PRKD3: variants seen among roughly 807,000 people sequenced by gnomAD.
PRKD3 encodes protein kinase D3.
In PRKD3, 47 loss-of-function variants were observed where a neutral mutation model predicts 99.2. That is an observed-to-expected ratio of 0.47 (90% CI 0.38 to 0.60). PRKD3 has a LOEUF of 0.60. Ranked by LOEUF, PRKD3 falls within the 20% of genes least tolerant of loss-of-function variation. The pLI, the probability that PRKD3 is intolerant of heterozygous loss-of-function variation, is 0.00. For synonymous variants in PRKD3, 392 were observed against 355.4 expected, an observed-to-expected ratio of 1.10 and a Z score of -1.16; for missense variants, 1,019 against 1,088.4, an observed-to-expected ratio of 0.94 and a Z score of 0.90.
chr2:37,264,776 T>C (rs898628257), intron 14 of PRKD3, among the ~76,000 whole-genome samples: 20 of 152,274 alleles, frequency 1.3e-4, no homozygotes, highest in Admixed American at 1.1e-3. Flanking sequence ...GTTGTGTATA[T>C]TGTCTGCAGT....
intron 1 of PRKD3, among the ~76,000 whole-genome samples, chr2:37,319,686 T>C (rs543561143): frequency 7.0e-4 from 107 of 151,914 alleles, no homozygotes; most frequent in Admixed American, 3.4e-3. Context: ...GTCTGTATAC[T>C]CCTTGTTACT....
intron 14 of PRKD3, among the ~76,000 whole-genome samples, chr2:37,261,741 T>C (rs1249241574): frequency 3.3e-5 from 5 of 152,172 alleles, no homozygotes; most frequent in South Asian, 2.1e-4. Flanking sequence ...GATTGCGCCA[T>C]TGCACTCTAG....
At chr2:37,311,251 A>C (rs1484029562) in intron 2 of PRKD3, among the ~76,000 whole-genome samples, 1 of 152,214 alleles carries the variant, frequency 6.6e-6, no homozygotes, top group Non-Finnish European at 1.5e-5. Context: ...GATTGAAAAT[A>C]TGATTTCATA....
intron 2 of PRKD3, 106 bp downstream of exon 2, chr2:37,316,131 T>A: frequency 8.4e-7 from 1 of 1,196,026 alleles, no homozygotes; most frequent in Non-Finnish European, 1.2e-6. Flanking sequence ...ATGCACAGAA[T>A]AAACTACTGA....
chr2:37,291,995 A>G (rs1670451278), intron 3 of PRKD3, among the ~76,000 whole-genome samples: 2 of 152,216 alleles, frequency 1.3e-5, no homozygotes, highest in Admixed American at 1.3e-4. Context: ...GAATTAAAAA[A>G]CAACGTATGG....
intron 15 of PRKD3, among the ~76,000 whole-genome samples, chr2:37,259,962 C>G (rs186838433): frequency 2.0e-5 from 3 of 152,024 alleles, no homozygotes; most frequent in South Asian, 2.1e-4. Context: ...GCAAGGAGTT[C>G]GAGACCAGCC....
chr2:37,320,750 T>C (rs2124910630), intron 1 of PRKD3, among the ~76,000 whole-genome samples: 1 of 152,318 alleles, frequency 6.6e-6, no homozygotes, highest in Non-Finnish European at 1.5e-5. Flanking sequence ...CTACTTCTAC[T>C]TTGATGAATG....
At chr2:37,310,995 A>G (rs761592324) in intron 2 of PRKD3, among the ~76,000 whole-genome samples, 1 of 152,174 alleles carries the variant, frequency 6.6e-6, no homozygotes, top group African/African-American at 2.4e-5. Context: ...TTCTAACACA[A>G]ATAAAATTTA....
In PRKD3 at chr2:37,277,950, T is replaced by C. The variant is rs746751763; in HGVS notation, c.1212A>G (p.Val404=). Residue 404 remains valine, a synonymous_variant, in exon 9 of 19, where the codon GTA becomes GTG. Coordinates refer to ENST00000234179, the MANE Select transcript of PRKD3 (RefSeq NM_005813.6). ...TSNNIPLMRV[V]QSIKHTKRKS... is the part of the protein sequence containing the mutation. ...TCCTCTTTGTGTGCTTGATGGATTG[T>C]ACAACCCTCATTAGCGGAATATTAT... The C allele has an allele frequency of 6.2e-7, 1 of 1,611,954 alleles. No individual in the cohort carries two copies. The highest frequency in any genetic ancestry group is 1.1e-5 in the South Asian group (1 of 91,018).
At chr2:37,302,018 A>G (rs1210607617) in intron 2 of PRKD3, among the ~76,000 whole-genome samples, 1 of 152,240 alleles carries the variant, frequency 6.6e-6, no homozygotes, top group Non-Finnish European at 1.5e-5. Flanking sequence ...ATAGTGCTGA[A>G]GCTGAGAAAT....
intron 2 of PRKD3, among the ~76,000 whole-genome samples, chr2:37,311,383 A>G (rs970194167): frequency 2.6e-5 from 4 of 152,224 alleles, no homozygotes; most frequent in African/African-American, 9.6e-5. Flanking sequence ...TTTCTAGAGC[A>G]TAAATCACAG....
At chr2:37,254,170 A>G in intron 18 of PRKD3, 34 bp downstream of exon 18, 2 of 1,485,342 alleles carry the variant, frequency 1.3e-6, no homozygotes, top group African/African-American at 1.4e-5. Context: ...TACTCAAATG[A>G]GGATTGCCAA....
chr2:37,297,515 T>A (rs1043513733), intron 2 of PRKD3, among the ~76,000 whole-genome samples: 2 of 152,176 alleles, frequency 1.3e-5, no homozygotes, highest in Non-Finnish European at 2.9e-5. Context: ...GCTCATACTT[T>A]ATTCAGATTT....
At chr2:37,276,020 C>T (rs1205628685) in intron 9 of PRKD3, among the ~76,000 whole-genome samples, 176 bp from the exon 10 acceptor site, 1 of 152,038 alleles carries the variant, frequency 6.6e-6, no homozygotes, top group Admixed American at 6.6e-5. Flanking sequence ...GTATCACTTC[C>T]ACCATCACTC....
At chr2:37,305,293 G>C (rs1671108081) in intron 2 of PRKD3, among the ~76,000 whole-genome samples, 1 of 152,192 alleles carries the variant, frequency 6.6e-6, no homozygotes, top group Non-Finnish European at 1.5e-5. Flanking sequence ...TTCAGGTCTA[G>C]TGTCACGTAA....
At chr2:37,300,382 T>A (rs752050166) in intron 2 of PRKD3, among the ~76,000 whole-genome samples, 1 of 151,856 alleles carries the variant, frequency 6.6e-6, no homozygotes, top group South Asian at 2.1e-4. Context: ...TGAAGGGTAG[T>A]GGGTGGGGGG....
intron 10 of PRKD3, among the ~76,000 whole-genome samples, chr2:37,275,093 G>T (rs1669499544): frequency 6.6e-6 from 1 of 152,050 alleles, no homozygotes; most frequent in African/African-American, 2.4e-5. Flanking sequence ...GGCAGAAAAA[G>T]CAGAATCTTG....
chr2:37,271,248 G>C (rs1361090182), intron 12 of PRKD3, among the ~76,000 whole-genome samples: 1 of 151,928 alleles, frequency 6.6e-6, no homozygotes, highest in Non-Finnish European at 1.5e-5. Flanking sequence ...TAGTCCAGGG[G>C]TTAGCAAACT....
chr2:37,270,097 C>G (rs1265334992), intron 12 of PRKD3, among the ~76,000 whole-genome samples: 1 of 151,968 alleles, frequency 6.6e-6, no homozygotes, highest in African/African-American at 2.4e-5. Flanking sequence ...TGAGATGGTG[C>G]ATGCCTGTAA....
Sources: allele counts gnomAD v4.1 joint callset (sites outside exome capture counted in the v4.1 genomes callset), GRCh38; gene constraint gnomAD v4.1.1; transcripts MANE v1.5; gene names NCBI Gene and HGNC (gene_info 2026-07-23, HGNC 2026-07-21).